The following BICRA variants were observed in gnomAD, a reference collection of about 807,000 sequenced individuals.
The protein encoded by BICRA is BRD4 interacting chromatin remodeling complex associated protein.
Under a neutral mutation model 96.9 loss-of-function variants are expected in BICRA, and 31 were observed. The observed-to-expected ratio is 0.32, with a 90% CI of 0.24 to 0.43. The LOEUF is 0.43. Ranked by LOEUF, BICRA falls within the 20% of genes least tolerant of loss-of-function variation. The probability of loss-of-function intolerance (pLI) is 1.00; values close to 1 mark genes in which losing one functional copy is unlikely to be tolerated. For missense variants in BICRA, 2,283 were observed against 2,190.3 expected, an observed-to-expected ratio of 1.04 and a Z score of -0.84; for synonymous variants, 1,350 against 1,071.8, an observed-to-expected ratio of 1.26 and a Z score of -5.07.
At chr19:47,681,393 GA>G (rs1568571010) in intron 6 of BICRA, 117 bp downstream of exon 6, 4 of 855,548 alleles carry the variant, frequency 4.7e-6, no homozygotes, top group Admixed American at 2.2e-5. Flanking sequence ...GCTGGGGGGG[GA>G]AGGTCTCAGT....
chr19:47,654,458 G>A (rs925268820), intron 1 of BICRA, among the ~76,000 whole-genome samples: 1 of 152,104 alleles, frequency 6.6e-6, no homozygotes, highest in East Asian at 1.9e-4. Context: ...TGGCCAGTGG[G>A]TTGTTCCCAG....
rs773690432 is a variant in BICRA at position 47,694,690 on chromosome 19, G to A, written c.2859G>A (p.Leu953=). The stretch of plus-strand genomic sequence containing the variant: ...TGGTGACCACCCCCTTCCCAGCGCT[G>A]CCCCAGCCGAAGGCTCTTCTCGAGA... ...FQMVTTPFPA[L]PQPKALLERF... is the part of the protein sequence containing the mutation. Residue 953 remains leucine, a synonymous_variant, in exon 8 of 15, where the codon CTG becomes CTA. Coordinates refer to ENST00000594866, the MANE Select transcript of BICRA (RefSeq NM_001394372.1). The A allele has an allele frequency of 6.3e-7, 1 of 1,578,250 alleles. No homozygotes were observed. Among genetic ancestry groups the A allele is most frequent in the Non-Finnish European group, 8.6e-7 (1 of 1,157,194 alleles).
upstream of BICRA, among the ~76,000 whole-genome samples, chr19:47,608,673 G>T (rs560877395): frequency 6.6e-6 from 1 of 151,508 alleles, no homozygotes; most frequent in Non-Finnish European, 1.5e-5. Context: ...CGGGACTGGG[G>T]CTGGGGGCGG....
chr19:47,665,663 G>GT (rs1972767988), intron 1 of BICRA, among the ~76,000 whole-genome samples: 1 of 152,118 alleles, frequency 6.6e-6, no homozygotes, highest in Admixed American at 6.6e-5. Context: ...TAATCTTCAT[G>GT]TGTGTCTTGA....
chr19:47,673,732 C>T lies in BICRA; in HGVS notation c.54C>T (p.Ala18=), dbSNP rs1332574503. Residue 18 remains alanine, a synonymous_variant, in exon 4 of 15, where the codon GCC becomes GCT. Transcript: ENST00000594866. ...CLLDVICDPQ[A]LNDFLHGSEK... is the part of the protein sequence containing the mutation. ...TCTTCTCTTCCAGTGACCCACAGGC[C>T]CTCAATGACTTCTTGCATGGATCCG... 6.2e-7 allele frequency: 1 copy of T among 1,613,516 alleles called. No homozygotes were observed. The highest frequency in any genetic ancestry group is 8.5e-7 in the Non-Finnish European group (1 of 1,179,590).
intron 1 of BICRA, among the ~76,000 whole-genome samples, chr19:47,625,253 G>A (rs1013191755): frequency 6.6e-6 from 1 of 150,630 alleles, no homozygotes; most frequent in Admixed American, 6.6e-5. Flanking sequence ...GCCCTCCTCA[G>A]CCTCCCAAAG....
chr19:47,680,799 C>T lies in BICRA; in HGVS notation c.1629C>T (p.Ser543=), dbSNP rs746542193. The T allele has an allele frequency of 1.1e-5, 17 of 1,608,812 alleles. No individual in the cohort carries two copies. The highest frequency in any genetic ancestry group is 3.3e-5 in the South Asian group (3 of 90,914). Residue 543 remains serine, a synonymous_variant, in exon 6 of 15, where the codon TCC becomes TCT. Transcript: ENST00000594866. ...HSGAHSAHIL[S]AAPIQVGQPA... ...GGGCCCACAGCGCGCACATCCTCTC[C>T]GCCGCTCCCATCCAGGTGGGCCAGC...
chr19:47,640,958 G>A (rs1972376033), intron 1 of BICRA, among the ~76,000 whole-genome samples: 1 of 141,948 alleles, frequency 7.0e-6, no homozygotes, highest in Admixed American at 7.3e-5. Context: ...GGAGTGCAGT[G>A]ACATGATCTT....
At chr19:47,622,991 A>G (rs572422133) in intron 1 of BICRA, among the ~76,000 whole-genome samples, 4 of 142,808 alleles carry the variant, frequency 2.8e-5, no homozygotes, top group Non-Finnish European at 4.6e-5. Context: ...GAGCCGAGAT[A>G]GTGCCACTGC....
At position 47,694,975 on chromosome 19, in the gene BICRA, C is replaced by A; in HGVS notation, c.2971C>A (p.Pro991Thr). ...AAPQTSTSLG[P>T]LTSPAASVLV... ...CCCGCAGACCTCCACCAGCCTGGGG[C>A]CCCTCACCAGCCCCGCTGCGTCTGT... is the stretch of plus-strand genomic sequence containing the variant. Residue 991 changes from proline (P) to threonine (T), a missense_variant, in exon 9 of 15, where the codon CCC becomes ACC. Coordinates refer to ENST00000594866, the MANE Select transcript of BICRA (RefSeq NM_001394372.1). The A allele has an allele frequency of 1.3e-6, 2 of 1,555,098 alleles. No individual in the cohort carries two copies. The highest frequency in any genetic ancestry group is 1.7e-6 in the Non-Finnish European group (2 of 1,157,796).
chr19:47,695,042 C>G lies in BICRA; in HGVS notation c.3038C>G (p.Pro1013Arg), dbSNP rs1973313616. The change falls in exon 9 of 15, where the codon CCC (proline) becomes CGC (arginine). Residue 1013 changes from proline to arginine, a missense_variant. Pro to Arg is a moderately radical substitution (Grantham distance 103). Coordinates refer to ENST00000594866, the MANE Select transcript of BICRA (RefSeq NM_001394372.1). ...GCCCCATCTGGGACCCCCACTGCCC[C>G]CAGCCACGCCCCCGCCCCGGCACCC... ...GQAPSGTPTA[P>R]SHAPAPAPMA... 5 of 1,500,390 alleles carry G rather than the reference C, an allele frequency of 3.3e-6. No homozygotes were observed. 92.9% of individuals were successfully genotyped at this position (1,500,390 alleles called of 1,614,324 possible).
chr19:47,646,430 T>C (rs1009481799), intron 1 of BICRA, among the ~76,000 whole-genome samples: 1 of 89,930 alleles, frequency 1.1e-5, no homozygotes, highest in African/African-American at 5.3e-5. Flanking sequence ...CCGACACACA[T>C]GCACACAGAC....
At chr19:47,635,697 CAT>C (rs34803794) in intron 1 of BICRA, among the ~76,000 whole-genome samples, 36,135 of 152,060 alleles carry the variant, frequency 0.24, 5,524 homozygotes, top group East Asian at 0.52. Flanking sequence ...TAAGTGGAAT[CAT>C]GTGATATTTG....
Position 47,702,260 on chromosome 19 carries a change from A to G in BICRA, c.4528A>G (p.Asn1510Asp). 6.3e-7 allele frequency: 1 copy of G among 1,597,444 alleles called. No individual in the cohort carries two copies. The highest frequency in any genetic ancestry group is 2.3e-5 in the East Asian group (1 of 44,250). The change falls in exon 15 of 15, where the codon AAC becomes GAC. Residue 1510 changes from asparagine to aspartate, a missense_variant. Coordinates refer to ENST00000594866, the MANE Select transcript of BICRA (RefSeq NM_001394372.1). ...HLQSAIDSIL[N>D]LQQAPGRTPA... ...GCAGAGCGCCATCGACAGCATCCTG[A>G]ACCTGCAGCAGGCCCCCGGCCGGAC...
chr19:47,639,914 G>A (rs952871493), intron 1 of BICRA, among the ~76,000 whole-genome samples: 3 of 152,066 alleles, frequency 2.0e-5, no homozygotes, highest in Non-Finnish European at 2.9e-5. Flanking sequence ...AAAGTGTTGA[G>A]ATTACAGGCG....
intron 7 of BICRA, among the ~76,000 whole-genome samples, chr19:47,683,837 G>C (rs1973104305): frequency 6.6e-6 from 1 of 152,204 alleles, no homozygotes; most frequent in Non-Finnish European, 1.5e-5. Context: ...ACCCGCCTCA[G>C]CCTCCCAAAG....
At chr19:47,646,656 T>G (rs1972464303) in intron 1 of BICRA, among the ~76,000 whole-genome samples, 1 of 152,126 alleles carries the variant, frequency 6.6e-6, no homozygotes, top group South Asian at 2.1e-4. Flanking sequence ...ACTGTTACTA[T>G]CAGAAATGGA....
chr19:47,657,388 G>C (rs891249802), intron 1 of BICRA, among the ~76,000 whole-genome samples: 3 of 151,584 alleles, frequency 2.0e-5, no homozygotes, highest in Admixed American at 6.6e-5. Context: ...TATGAATAAG[G>C]CTGCTGTGAA....
Position 47,681,039 on chromosome 19 carries a change from T to A in BICRA, c.1869T>A (p.Pro623=). The A allele has an allele frequency of 7.0e-7, 1 of 1,418,682 alleles. No individual in the cohort carries two copies. The highest frequency in any genetic ancestry group is 9.1e-7 in the Non-Finnish European group (1 of 1,095,736). The allele number at this position is 1,418,682 out of a possible 1,614,324, so 87.9% of individuals were successfully genotyped here. A position where few individuals can be genotyped will look rare whatever the true frequency, so the allele number is the denominator to read the frequency against. The change falls in exon 6 of 15, where the codon CCT becomes CCA. Residue 623 remains proline, a synonymous_variant. Coordinates refer to ENST00000594866, the MANE Select transcript of BICRA (RefSeq NM_001394372.1). ...CCGCGCCTGTCCTCACGGTGCAGCC[T>A]GCCCCCCAGGCGCCCCCCGCGGTCA... ...GEAAPVLTVQ[P]APQAPPAVST...
Sources: allele counts gnomAD v4.1 joint callset (sites outside exome capture counted in the v4.1 genomes callset), GRCh38; gene constraint gnomAD v4.1.1; transcripts MANE v1.5; gene names NCBI Gene and HGNC (gene_info 2026-07-23, HGNC 2026-07-21).